IRAK4: variants seen among roughly 807,000 people sequenced by gnomAD.
IRAK4 encodes the protein interleukin 1 receptor associated kinase 4, also known as interleukin-1 receptor-associated kinase 4.
Under a neutral mutation model 51.8 loss-of-function variants are expected in IRAK4, and 44 were observed. That is an observed-to-expected ratio of 0.85 (90% CI 0.67 to 1.09). The LOEUF (loss-of-function observed/expected upper bound fraction) is 1.09, where lower values mean the gene tolerates loss of function less well. IRAK4 is among the 50% of genes least tolerant of loss of function. IRAK4 has a pLI of 0.00. For synonymous variants in IRAK4, 149 were observed against 174.1 expected (o/e 0.86, Z 1.13); for missense variants, 487 against 538.0 (o/e 0.91, Z 0.94).
At position 43,768,146 on chromosome 12, in the gene IRAK4, G is replaced by C; in HGVS notation, c.35G>C (p.Arg12Pro). The change falls in exon 2 of 12, where the codon CGC becomes CCC. Residue 12 changes from arginine (R) to proline (P), a missense_variant. Transcript: ENST00000613694. ...NKPITPSTYV[R>P]CLNVGLIRKL... ...CCCATAACACCATCAACATATGTGC[G>C]CTGCCTCAATGTTGGACTAATTAGG... 1 of 1,613,468 alleles carries C rather than the reference G, an allele frequency of 6.2e-7. No individual in the cohort carries two copies. The highest frequency in any genetic ancestry group is 2.2e-5 in the East Asian group (1 of 44,830).
chr12:43,770,075 T>A (rs1940589949), intron 2 of IRAK4, among the ~76,000 whole-genome samples: 1 of 152,236 alleles, frequency 6.6e-6, no homozygotes, highest in South Asian at 2.1e-4. Context: ...TTTCAACTTT[T>A]CTGTAAGTTT....
intron 5 of IRAK4, 73 bp from the exon 6 acceptor site, chr12:43,773,887 CAGCTG>C: frequency 1.2e-6 from 1 of 865,052 alleles, no homozygotes; most frequent in Non-Finnish European, 1.9e-6. Flanking sequence ...GGAGATGAGC[CAGCTG>C]ATCTCTTGAT....
intron 2 of IRAK4, 113 bp from the exon 3 acceptor site, chr12:43,771,107 G>T: frequency 1.0e-6 from 1 of 970,320 alleles, no homozygotes; most frequent in Non-Finnish European, 1.6e-6. Context: ...CCAGAACCGT[G>T]AGCCAAATTA....
intron 9 of IRAK4, 38 bp downstream of exon 9, chr12:43,782,528 C>G: frequency 2.0e-6 from 3 of 1,477,440 alleles, no homozygotes; most frequent in Non-Finnish European, 2.8e-6. Context: ...AATAATCATT[C>G]TGCTATAATT....
At position 43,782,569 on chromosome 12, in the gene IRAK4, C is replaced by G; in HGVS notation, c.1125+79C>G. On this transcript the variant is annotated intron_variant, in intron 9 of 11. Coordinates refer to ENST00000613694, the MANE Select transcript of IRAK4 (RefSeq NM_016123.4). ...AATGAAGAGAATATTATTTAATACA[C>G]CCATCTTGTTTATCTCTCTTATGTA... 2.6e-6 allele frequency: 3 copies of G among 1,158,036 alleles called. No individual in the cohort carries two copies. The South Asian group carries it at 4.0e-5, about 16-fold the overall frequency. 71.7% of individuals were successfully genotyped at this position (1,158,036 alleles called of 1,614,324 possible).
At chr12:43,773,789 C>A in intron 5 of IRAK4, 176 bp from the exon 6 acceptor site, 1 of 534,620 alleles carries the variant, frequency 1.9e-6, no homozygotes, top group Non-Finnish European at 3.3e-6. Context: ...CACTAACCAG[C>A]CATGGGCCTT....
At chr12:43,785,607 T>C (rs1942136767) in intron 10 of IRAK4, among the ~76,000 whole-genome samples, 1 of 147,426 alleles carries the variant, frequency 6.8e-6, no homozygotes, top group Non-Finnish European at 1.5e-5. Flanking sequence ...AATATACATT[T>C]GTATATATAT....
In IRAK4 at chr12:43,771,336, T is replaced by C; in HGVS notation, c.278T>C (p.Phe93Ser). 6.2e-7 allele frequency: 1 copy of C among 1,614,162 alleles called. No homozygotes were observed. The highest frequency in any genetic ancestry group is 8.5e-7 in the Non-Finnish European group (1 of 1,180,020). ...DLVDLLIQNE[F>S]FAPASLLLPD... The stretch of plus-strand genomic sequence containing the variant: ...GTGGATCTTTTGATCCAAAATGAAT[T>C]TTTTGCTCCTGCGAGTCTTTTGCTC... The change falls in exon 3 of 12, where the codon TTT becomes TCT. Residue 93 changes from phenylalanine (F) to serine (S), a missense_variant. Phe to Ser is a radical substitution (Grantham distance 155). Coordinates refer to ENST00000613694, the MANE Select transcript of IRAK4 (RefSeq NM_016123.4).
intron 1 of IRAK4, among the ~76,000 whole-genome samples, chr12:43,766,982 A>G (rs542581238): frequency 4.9e-4 from 74 of 152,336 alleles, no homozygotes; most frequent in African/African-American, 1.7e-3. Context: ...GATGTGGTCA[A>G]AGAAGTCCAA....
At chr12:43,759,331 A>G (rs1271548961) in intron 1 of IRAK4, 5 of 152,086 alleles carry the variant, frequency 3.3e-5, no homozygotes, top group Non-Finnish European at 7.3e-5. Flanking sequence ...GATTCCGTGA[A>G]CCCGACTGCG....
chr12:43,783,818 C>A, intron 10 of IRAK4, 94 bp downstream of exon 10: 1 of 835,606 alleles, frequency 1.2e-6, no homozygotes, highest in Non-Finnish European at 2.0e-6. Flanking sequence ...ATAACATTTT[C>A]TATTGGCAAT....
rs144842940 is a variant in IRAK4, at chr12:43,786,524, T to C, written c.1314T>C (p.His438=). The change falls in exon 11 of 12, where the codon CAT becomes CAC. Residue 438 remains histidine (H), a synonymous_variant. Coordinates refer to ENST00000613694, the MANE Select transcript of IRAK4 (RefSeq NM_016123.4). The stretch of plus-strand genomic sequence containing the variant: ...ACTCTGTTGCTAGTCAATGTCTGCA[T>C]GAAAAGAAAAATAAGAGACCAGACA... ...AMYSVASQCL[H]EKKNKRPDIK... 2.5e-6 allele frequency: 4 copies of C among 1,613,420 alleles called. No individual in the cohort carries two copies. The African/African-American group carries it at 5.3e-5, about 22-fold the overall frequency.
At chr12:43,774,099 C>T (rs1941049953) in intron 6 of IRAK4, 70 bp downstream of exon 6, 2 of 989,986 alleles carry the variant, frequency 2.0e-6, no homozygotes, top group Admixed American at 3.4e-5. Context: ...CTGGTTCACT[C>T]TAGAGTATGC....
At chr12:43,780,995 C>T (rs540405673) in intron 8 of IRAK4, among the ~76,000 whole-genome samples, 2 of 152,334 alleles carry the variant, frequency 1.3e-5, no homozygotes, top group South Asian at 4.1e-4. Context: ...ACCAAAAACA[C>T]TTCATCTGGG....
intron 10 of IRAK4, among the ~76,000 whole-genome samples, chr12:43,785,536 A>G (rs1942131287): frequency 6.6e-6 from 1 of 151,816 alleles, no homozygotes; most frequent in Admixed American, 6.6e-5. Flanking sequence ...ATTAGCTCAT[A>G]ACATAGATAT....
At chr12:43,773,676 T>G (rs1666335261) in intron 5 of IRAK4, 1 of 284,838 alleles carries the variant, frequency 3.5e-6, no homozygotes, top group Non-Finnish European at 6.6e-6. Context: ...TGCTTATGTT[T>G]TCTGTTTCCT....
Position 43,789,309 on chromosome 12 carries a change from T to G in IRAK4, c.*2594T>G, listed in dbSNP as rs904638568. 2 of 151,960 alleles carry G rather than the reference T, an allele frequency of 1.3e-5. No individual in the cohort carries two copies. Among genetic ancestry groups the G allele is most frequent in the African/African-American group, 4.8e-5 (2 of 41,340 alleles). 9.4% of individuals were successfully genotyped at this position (151,960 alleles called of 1,614,324 possible). A position where few individuals can be genotyped will look rare whatever the true frequency, so the allele number is the denominator to read the frequency against. On this transcript the variant is annotated 3_prime_UTR_variant, in exon 12 of 12. Coordinates refer to ENST00000613694, the MANE Select transcript of IRAK4 (RefSeq NM_016123.4). ...GATCTGGTGGCTTAAAAGAGTCTGC[T>G]CCCCCTTTGCCTTCCATTGTGATTG...
chr12:43,772,319 C>T lies in IRAK4; in HGVS notation c.447C>T (p.Asp149=). 6.2e-7 allele frequency: 1 copy of T among 1,613,354 alleles called. No homozygotes were observed. Among genetic ancestry groups the T allele is most frequent in the Non-Finnish European group, 8.5e-7 (1 of 1,179,940 alleles). The change falls in exon 4 of 12, where the codon GAC becomes GAT. Residue 149 remains aspartate (D), a synonymous_variant. Transcript: ENST00000613694. ...TTGAACAAAGCTATATGCCACCTGA[C>T]TCCTCAAGTCCAGAAAATAAAAGTT... ...QNLEQSYMPP[D]SSSPENKSLE...
At chr12:43,770,993 T>G (rs1401741837) in intron 2 of IRAK4, 2 of 675,996 alleles carry the variant, frequency 3.0e-6, no homozygotes, top group African/African-American at 3.5e-5. Flanking sequence ...CTCTTTCACA[T>G]GCACGTGTGC....
Sources: gnomAD v4.1 joint callset for allele counts (sites outside exome capture counted in the v4.1 genomes callset) on GRCh38, gnomAD v4.1.1 for gene constraint, MANE v1.5 for transcripts, NCBI Gene and HGNC (gene_info 2026-07-23, HGNC 2026-07-21) for gene names.